Variants in PTPN9 observed in about 807,000 individuals in gnomAD.
The protein encoded by PTPN9 is tyrosine-protein phosphatase non-receptor type 9.
PTPN9 carries 26 observed loss-of-function variants against 69.8 expected under a neutral mutation model. That is an observed-to-expected ratio of 0.37 (90% CI 0.27 to 0.52). The LOEUF is 0.52. Among genes scored for constraint, PTPN9 ranks in the 20% least tolerant of loss-of-function variants. PTPN9 has a pLI of 0.91. For missense variants in PTPN9, 549 were observed against 740.3 expected, an observed-to-expected ratio of 0.74 and a Z score of 3.00; for synonymous variants, 274 against 272.5, an observed-to-expected ratio of 1.01 and a Z score of -0.05.
At chr15:75,525,783 G>C (rs1357300937) in intron 2 of PTPN9, among the ~76,000 whole-genome samples, 1 of 151,448 alleles carries the variant, frequency 6.6e-6, no homozygotes, top group East Asian at 2.0e-4. Context: ...GCCAGGTATG[G>C]TGGTGCATGC....
chr15:75,513,403 C>G (rs190306030), intron 5 of PTPN9: 8 of 455,988 alleles, frequency 1.8e-5, no homozygotes, highest in Non-Finnish European at 3.5e-5. Context: ...TAGAGGAGTG[C>G]TGGGGTTTCT....
In PTPN9 at chr15:75,534,914, A is replaced by G. The variant is rs930356198; in HGVS notation, c.64-7653T>C. On this transcript the variant is annotated intron_variant, in intron 1 of 12. Coordinates refer to ENST00000618819, the MANE Select transcript of PTPN9 (RefSeq NM_002833.4). ...CTTGAACCCAGGAGGCAGAGGCTGC[A>G]GTAAGCCAAGATCATGTCATTGTAC... is the stretch of plus-strand genomic sequence containing the variant. 2.6e-5 allele frequency among the ~76,000 whole-genome samples: 4 copies of G among 152,270 alleles called. 1 individual carries two copies. The South Asian group carries it at 6.2e-4, about 24-fold the overall frequency.
intron 1 of PTPN9, among the ~76,000 whole-genome samples, chr15:75,558,954 G>A (rs967849022): frequency 2.0e-5 from 3 of 152,108 alleles, no homozygotes; most frequent in South Asian, 2.1e-4. Flanking sequence ...CTGCCACCCC[G>A]TCTGGGAAGT....
intron 2 of PTPN9, among the ~76,000 whole-genome samples, chr15:75,525,902 G>A (rs889783287): frequency 4.6e-5 from 7 of 151,758 alleles, no homozygotes; most frequent in Non-Finnish European, 8.8e-5. Context: ...TTCAGTCTGG[G>A]AGACACAGCA....
chr15:75,493,718 G>A (rs1434026087), intron 7 of PTPN9, among the ~76,000 whole-genome samples: 2 of 151,718 alleles, frequency 1.3e-5, no homozygotes, highest in Admixed American at 1.3e-4. Flanking sequence ...CTGAAATTGC[G>A]CCACTGTACT....
intron 7 of PTPN9, among the ~76,000 whole-genome samples, chr15:75,500,591 G>A (rs963193927): frequency 7.2e-5 from 11 of 152,044 alleles, no homozygotes; most frequent in Non-Finnish European, 1.6e-4. Context: ...AAAGAGATTG[G>A]ATATAAACAG....
At chr15:75,541,322 A>T (rs2075007682) in intron 1 of PTPN9, among the ~76,000 whole-genome samples, 1 of 151,486 alleles carries the variant, frequency 6.6e-6, no homozygotes, top group Non-Finnish European at 1.5e-5. Flanking sequence ...GCCTCCAGTG[A>T]TCTTCCCCCA....
chr15:75,482,534 C>A (rs1260593789), intron 8 of PTPN9, among the ~76,000 whole-genome samples: 1 of 137,662 alleles, frequency 7.3e-6, no homozygotes, highest in Non-Finnish European at 1.5e-5. Flanking sequence ...CACTGCACTC[C>A]AGCCTGGGCG....
At position 75,566,170 on chromosome 15, in the gene PTPN9, G is replaced by A. The variant is rs144692875; in HGVS notation, c.63+12544C>T. Among the ~76,000 whole-genome samples the A allele has an allele frequency of 8.6e-5, 13 of 151,744 alleles. No individual in the cohort carries two copies. In the East Asian group the frequency reaches 2.3e-3, roughly 27 times the overall value. ...ATTCAGGAACGTTAAATAAAACACC[G>A]AGAGCCACAAAGGAAGCTGAGGGAT... is the stretch of plus-strand genomic sequence containing the variant. On this transcript the variant is annotated intron_variant, in intron 1 of 12. Transcript: ENST00000618819.
intron 1 of PTPN9, among the ~76,000 whole-genome samples, chr15:75,550,022 C>T (rs771387841): frequency 4.6e-5 from 7 of 151,764 alleles, no homozygotes; most frequent in East Asian, 1.9e-4. Flanking sequence ...CTCCTTTTTC[C>T]GTTTCTCTAT....
intron 1 of PTPN9, among the ~76,000 whole-genome samples, chr15:75,529,386 A>G (rs772913491): frequency 1.3e-5 from 2 of 152,202 alleles, no homozygotes; most frequent in Non-Finnish European, 1.5e-5. Flanking sequence ...TGTCTGCAAT[A>G]TGACGAACCT....
At chr15:75,573,722 AG>A (rs2075159282) in intron 1 of PTPN9, among the ~76,000 whole-genome samples, 1 of 152,234 alleles carries the variant, frequency 6.6e-6, no homozygotes, top group Admixed American at 6.5e-5. Context: ...TCATTATGCT[AG>A]GCAATGTGCA....
At position 75,561,173 on chromosome 15, in the gene PTPN9, G is replaced by A. The variant is rs571895249; in HGVS notation, c.63+17541C>T. On this transcript the variant is annotated intron_variant, in intron 1 of 12. Coordinates refer to ENST00000618819, the MANE Select transcript of PTPN9 (RefSeq NM_002833.4). ...TATATTAAAAATACAAAATTAGCCC[G>A]GCACGGTGGCGCATGCCTGTAATCC... is the stretch of plus-strand genomic sequence containing the variant. 2.6e-4 allele frequency among the ~76,000 whole-genome samples: 39 copies of A among 151,792 alleles called. 1 individual carries two copies. Among genetic ancestry groups the A allele is most frequent in the South Asian group, 8.3e-4 (4 of 4,800 alleles).
At chr15:75,511,999 C>T (rs895111484) in intron 5 of PTPN9, among the ~76,000 whole-genome samples, 1 of 151,956 alleles carries the variant, frequency 6.6e-6, no homozygotes. Flanking sequence ...TGTGCCATCA[C>T]GCCTGGCTAA....
intron 1 of PTPN9, 133 bp downstream of exon 1, chr15:75,578,581 G>C: frequency 1.5e-6 from 1 of 688,876 alleles, no homozygotes. Context: ...CGGTGAGGGA[G>C]GCCCGCGAGC....
At chr15:75,565,475 G>A (rs2075122833) in intron 1 of PTPN9, among the ~76,000 whole-genome samples, 1 of 152,082 alleles carries the variant, frequency 6.6e-6, no homozygotes, top group Admixed American at 6.6e-5. Flanking sequence ...GCTGTAGGGA[G>A]CTGTCCTATG....
chr15:75,507,515 C>T (rs1362568291), intron 6 of PTPN9, among the ~76,000 whole-genome samples: 1 of 151,712 alleles, frequency 6.6e-6, no homozygotes, highest in Non-Finnish European at 1.5e-5. Context: ...GCCTGTAATC[C>T]CAGCACTTTT....
At chr15:75,470,635 C>G (rs763170919) in intron 11 of PTPN9, 45 bp downstream of exon 11, 3 of 1,588,264 alleles carry the variant, frequency 1.9e-6, no homozygotes. Context: ...AGTAATTATT[C>G]TCCCCCTGTT....
At chr15:75,478,953 T>G (rs1446517954) in intron 9 of PTPN9, among the ~76,000 whole-genome samples, 1 of 152,230 alleles carries the variant, frequency 6.6e-6, no homozygotes. Context: ...ATTCTTGAGA[T>G]GGAGAGGCCA....
Sources: gnomAD v4.1 joint callset for allele counts (sites outside exome capture counted in the v4.1 genomes callset) on GRCh38, gnomAD v4.1.1 for gene constraint, MANE v1.5 for transcripts, NCBI Gene and HGNC (gene_info 2026-07-23, HGNC 2026-07-21) for gene names.